The following LTF variants were observed in gnomAD, a reference collection of about 807,000 sequenced individuals.
LTF encodes lactotransferrin.
In LTF, 91 loss-of-function variants were observed where a neutral mutation model predicts 87.2. The observed-to-expected ratio is 1.04, with a 90% CI of 0.88 to 1.24. The LOEUF (loss-of-function observed/expected upper bound fraction) is 1.24, where lower values mean the gene tolerates loss of function less well. Ranked by LOEUF, LTF falls within the 50% of genes most tolerant of loss-of-function variation. LTF has a pLI of 0.00. For missense variants in LTF, 901 were observed against 904.3 expected (o/e 1.00, Z 0.05); for synonymous variants, 378 against 356.1 (o/e 1.06, Z -0.69).
chr3:46,480,420 G>A (rs1268079577), intron 1 of LTF, among the ~76,000 whole-genome samples: 1 of 152,118 alleles, frequency 6.6e-6, no homozygotes, highest in African/African-American at 2.4e-5. Flanking sequence ...TGTGGTGATG[G>A]ATTGTCATGC....
intron 16 of LTF, 92 bp from the exon 17 acceptor site, chr3:46,436,321 T>C (rs1355212967): frequency 5.1e-6 from 6 of 1,183,552 alleles, no homozygotes; most frequent in Non-Finnish European, 7.6e-6. Flanking sequence ...ATACTAAGAG[T>C]TTTCTCTGCC....
At position 46,435,899 on chromosome 3, in the gene LTF, G is replaced by A; in HGVS notation, c.*296C>T. 2.3e-6 allele frequency: 1 copy of A among 436,522 alleles called. No homozygotes were observed. Among genetic ancestry groups the A allele is most frequent in the Non-Finnish European group, 4.2e-6 (1 of 238,764 alleles). 27.0% of individuals were successfully genotyped at this position (436,522 alleles called of 1,614,324 possible). A position where few individuals can be genotyped will look rare whatever the true frequency, so the allele number is the denominator to read the frequency against. ...TCATACCCAAGACTGCAAGAAAGAGGAGGGGCTGGACCTGAAAAACTTGGA... is the reference window on the plus strand; with the variant it reads ...TCATACCCAAGACTGCAAGAAAGAGAAGGGGCTGGACCTGAAAAACTTGGA... On this transcript the variant is annotated 3_prime_UTR_variant, in exon 17 of 17. Transcript: ENST00000231751.
intron 2 of LTF, among the ~76,000 whole-genome samples, chr3:46,457,197 T>C (rs1392298649): frequency 1.3e-5 from 2 of 152,206 alleles, no homozygotes; most frequent in East Asian, 3.8e-4. Flanking sequence ...TGGGGACCCC[T>C]GGGATACATC....
chr3:46,439,612 G>A, intron 14 of LTF, 132 bp from the exon 15 acceptor site: 1 of 698,176 alleles, frequency 1.4e-6, no homozygotes, highest in Non-Finnish European at 2.3e-6. Context: ...GAGGAACAGA[G>A]AAGGAGCTTC....
intron 2 of LTF, among the ~76,000 whole-genome samples, chr3:46,457,944 A>AT (rs11410006): frequency 0.26 from 38,079 of 146,964 alleles, 5,747 homozygotes; most frequent in African/African-American, 0.43. Context: ...TGCCTGGCTA[A>AT]TTTTTTTTTT....
intron 1 of LTF, chr3:46,460,678 C>T (rs1178955330): frequency 1.1e-5 from 5 of 436,992 alleles, no homozygotes; most frequent in Non-Finnish European, 2.3e-5. Context: ...AGTGTCCACA[C>T]TCAACTCTTC....
At chr3:46,463,709 T>C (rs1703142423) in intron 1 of LTF, 4 of 951,666 alleles carry the variant, frequency 4.2e-6, no homozygotes, top group Non-Finnish European at 5.0e-6. Flanking sequence ...CAAGGCTTCC[T>C]TCCTCTCCTG....
rs377642209 is a variant in LTF, at chr3:46,450,557, C to T, written c.820G>A (p.Val274Ile). 3.6e-5 allele frequency: 58 copies of T among 1,614,108 alleles called. No homozygotes were observed. Among genetic ancestry groups the T allele is most frequent in the Middle Eastern group, 1.7e-4 (1 of 6,006 alleles). Residue 274 changes from valine (V) to isoleucine (I), a missense_variant, in exon 7 of 17, where the codon GTT (valine) becomes ATT (isoleucine). Physicochemically the swap from Val to Ile is conservative, Grantham distance 29 (BLOSUM62 3). Transcript: ENST00000231751. ...CHLARVPSHA[V>I]VARSVNGKED... ...TTGCCATTCACACTTCGTGCCACAA[C>T]GGCATGAGAAGGGACCCGGGCCAGA...
chr3:46,454,384 G>A, intron 5 of LTF, 24 bp from the exon 6 acceptor site: 1 of 1,608,356 alleles, frequency 6.2e-7, no homozygotes, highest in East Asian at 2.2e-5. Flanking sequence ...AACCATCAGG[G>A]GTAAGCACAG....
At chr3:46,470,345 T>G (rs1437043096) in intron 2 of LTF, 1 of 152,512 alleles carries the variant, frequency 6.6e-6, no homozygotes, top group Non-Finnish European at 1.5e-5. Flanking sequence ...CAGGGAAAGT[T>G]CCAGGCAGAA....
chr3:46,448,935 C>T lies in LTF; in HGVS notation c.1140G>A (p.Trp380Ter). The change falls in exon 9 of 17, where the codon TGG (tryptophan) becomes TGA (stop). Residue 380 changes from tryptophan to a stop codon, truncating the protein, a stop_gained. Coordinates refer to ENST00000231751, the MANE Select transcript of LTF (RefSeq NM_002343.6). LOFTEE classifies it high-confidence loss of function. The part of the protein sequence containing the change: ...GEQELRKCNQ[W>*]SGLSEGSVTC... Reference sequence around the variant, plus strand: ...TCACGCTGCCTTCGCTCAAGCCACTCCACTGGTTACACTTGCGCAGCTCCT... The same window carrying T: ...TCACGCTGCCTTCGCTCAAGCCACTTCACTGGTTACACTTGCGCAGCTCCT... 1 of 1,613,858 alleles carries T rather than the reference C, an allele frequency of 6.2e-7. No individual in the cohort carries two copies. The highest frequency in any genetic ancestry group is 2.2e-5 in the East Asian group (1 of 44,840).
intron 1 of LTF, among the ~76,000 whole-genome samples, chr3:46,484,545 G>C (rs1221885025): frequency 6.6e-6 from 1 of 152,176 alleles, no homozygotes; most frequent in Non-Finnish European, 1.5e-5. Context: ...GCATGTCCCT[G>C]CTGGGAAGGC....
chr3:46,470,221 G>A (rs1703264917), intron 2 of LTF: 1 of 152,424 alleles, frequency 6.6e-6, no homozygotes, highest in African/African-American at 2.4e-5. Context: ...AGAATGTACA[G>A]CAGGTCAGGC....
At chr3:46,447,653 C>T (rs942245226) in intron 9 of LTF, among the ~76,000 whole-genome samples, 7 of 152,218 alleles carry the variant, frequency 4.6e-5, no homozygotes, top group African/African-American at 1.7e-4. Flanking sequence ...GTCCTCTGAG[C>T]AAAACCTTTT....
intron 16 of LTF, among the ~76,000 whole-genome samples, chr3:46,436,533 T>C (rs1278777720): frequency 6.6e-6 from 1 of 152,202 alleles, no homozygotes; most frequent in Non-Finnish European, 1.5e-5. Flanking sequence ...ACATTGGTGG[T>C]CCTCTAGCTT....
chr3:46,455,871 C>T lies in LTF; in HGVS notation c.424G>A (p.Ala142Thr), dbSNP rs150810057. The T allele has an allele frequency of 1.3e-5, 21 of 1,613,176 alleles. No homozygotes were observed. The highest frequency in any genetic ancestry group is 2.2e-5 in the East Asian group (1 of 44,868). Reference protein sequence around the residue: ...KSCHTGLRRTAGWNVPIGTLR... With the variant: ...KSCHTGLRRTTGWNVPIGTLR... ...GTCCCTATAGGGACATTCCATCCAG[C>T]GGTCCTGCGAAGGCCTGTGTGGCAG... The change falls in exon 4 of 17, where the codon GCT becomes ACT. Residue 142 changes from alanine to threonine, a missense_variant. Ala to Thr is a moderately conservative substitution (Grantham distance 58). Transcript: ENST00000231751.
rs1235305229 is a variant in LTF at position 46,447,342 on chromosome 3, T to C, written c.1269A>G (p.Lys423=). ...CTGCCAGGACAGGCACCAAACCACA[T>C]TTGCCTGCAGTGTACACATATCCTC... ...LDGGYVYTAG[K]CGLVPVLAEN... Residue 423 remains lysine, a synonymous_variant, in exon 10 of 17, where the codon AAA becomes AAG. Transcript: ENST00000231751. 1 of 1,614,170 alleles carries C rather than the reference T, an allele frequency of 6.2e-7. No individual in the cohort carries two copies. Among genetic ancestry groups the C allele is most frequent in the East Asian group, 2.2e-5 (1 of 44,882 alleles).
rs1233148998 is a variant in LTF, at chr3:46,445,455, G to T, written c.1358-19C>A. On this transcript the variant is annotated intron_variant, in intron 11 of 16. Coordinates refer to ENST00000231751, the MANE Select transcript of LTF (RefSeq NM_002343.6). ...AGATATCCTGGCATAACAGATGACAGAAAAACAAGTCTTAACCTCCAGGAG... is the reference window on the plus strand; with the variant it reads ...AGATATCCTGGCATAACAGATGACATAAAAACAAGTCTTAACCTCCAGGAG... 4 of 1,602,964 alleles carry T rather than the reference G, an allele frequency of 2.5e-6. No homozygotes were observed. The South Asian group carries it at 3.3e-5, about 13-fold the overall frequency.
At chr3:46,450,182 C>T (rs1218993501) in intron 7 of LTF, among the ~76,000 whole-genome samples, 154 bp from the exon 8 acceptor site, 2 of 152,120 alleles carry the variant, frequency 1.3e-5, no homozygotes, top group Admixed American at 6.5e-5. Flanking sequence ...TGTGCCATCT[C>T]GGAGACCCAA....
Sources: allele counts gnomAD v4.1 joint callset (sites outside exome capture counted in the v4.1 genomes callset), GRCh38; gene constraint gnomAD v4.1.1; transcripts MANE v1.5; gene names NCBI Gene and HGNC (gene_info 2026-07-23, HGNC 2026-07-21).